Variants in QSOX2 observed in about 807,000 individuals in gnomAD.
QSOX2 encodes the protein quiescin sulfhydryl oxidase 2, also known as sulfhydryl oxidase 2.
In QSOX2, 46 loss-of-function variants were observed where a neutral mutation model predicts 61.7. The observed-to-expected ratio is 0.75, with a 90% confidence interval of 0.59 to 0.95. The LOEUF (loss-of-function observed/expected upper bound fraction) is 0.95, where lower values mean the gene tolerates loss of function less well. Among genes scored for constraint, QSOX2 ranks in the 40% least tolerant of loss-of-function variants. The probability of loss-of-function intolerance (pLI) is 0.00; values close to 1 mark genes in which losing one functional copy is unlikely to be tolerated. For synonymous variants in QSOX2, 383 were observed against 388.4 expected (o/e 0.99, Z 0.16); for missense variants, 879 against 918.9 (o/e 0.96, Z 0.56).
chr9:136,218,829 G>T (rs754363653), intron 7 of QSOX2, 21 bp from the exon 8 acceptor site: 1 of 1,608,136 alleles, frequency 6.2e-7, no homozygotes, highest in Non-Finnish European at 8.5e-7. Context: ...ATATGGCAGC[G>T]TCAGGGAATG....
intron 1 of QSOX2, among the ~76,000 whole-genome samples, chr9:136,239,799 A>G (rs12344196): frequency 0.022 from 3,291 of 152,356 alleles, 107 homozygotes; most frequent in African/African-American, 0.069. Context: ...GGCCGAGCAG[A>G]TGAGGGAGAA....
At chr9:136,233,741 T>C (rs1830353183) in intron 1 of QSOX2, among the ~76,000 whole-genome samples, 1 of 152,218 alleles carries the variant, frequency 6.6e-6, no homozygotes, top group African/African-American at 2.4e-5. Context: ...AAGACGACGC[T>C]GTGGAGCCAA....
intron 1 of QSOX2, among the ~76,000 whole-genome samples, chr9:136,231,517 A>AGGTGTG (rs1487936143): frequency 6.6e-6 from 1 of 152,212 alleles, no homozygotes; most frequent in East Asian, 1.9e-4. Context: ...TCTCCACTAG[A>AGGTGTG]CCAGAGGGCT....
chr9:136,218,990 G>A (rs778977056), intron 7 of QSOX2, 40 bp downstream of exon 7: 25 of 1,610,142 alleles, frequency 1.6e-5, no homozygotes, highest in African/African-American at 1.2e-4. Flanking sequence ...CGGTCTACAC[G>A]CACTGTCTCC....
intron 1 of QSOX2, among the ~76,000 whole-genome samples, chr9:136,231,668 G>T (rs796265491): frequency 6.6e-6 from 1 of 152,194 alleles, no homozygotes; most frequent in Non-Finnish European, 1.5e-5. Flanking sequence ...CACACTGATC[G>T]CTCCTTACCC....
chr9:136,241,311 C>A (rs1323254867), intron 1 of QSOX2, among the ~76,000 whole-genome samples: 2 of 152,250 alleles, frequency 1.3e-5, no homozygotes, highest in Non-Finnish European at 2.9e-5. Context: ...GCCGTCAGCC[C>A]CGCCAAATGC....
At chr9:136,242,146 T>TG (rs1412738408) in intron 1 of QSOX2, among the ~76,000 whole-genome samples, 15 of 152,250 alleles carry the variant, frequency 9.9e-5, no homozygotes, top group Non-Finnish European at 1.9e-4. Context: ...GAATGACACT[T>TG]GGTCACACCA....
intron 8 of QSOX2, 33 bp from the exon 9 acceptor site, chr9:136,216,755 G>C: frequency 6.2e-7 from 1 of 1,610,820 alleles, no homozygotes; most frequent in Non-Finnish European, 8.5e-7. Flanking sequence ...GAGAGCTACA[G>C]ACCCAAACCC....
At chr9:136,210,496 G>T in intron 11 of QSOX2, 4 of 984,928 alleles carry the variant, frequency 4.1e-6, no homozygotes, top group Non-Finnish European at 4.8e-6. Flanking sequence ...GAGCTCTGTG[G>T]GCGGCGGCGA....
In QSOX2 at chr9:136,208,875, G is replaced by C. The variant is rs1354811210; in HGVS notation, c.1950C>G (p.Pro650=). The C allele has an allele frequency of 6.2e-7, 1 of 1,614,052 alleles. No homozygotes were observed. The highest frequency in any genetic ancestry group is 1.3e-5 in the African/African-American group (1 of 75,058). The change falls in exon 12 of 12, where the codon CCC becomes CCG. Residue 650 remains proline (P), a synonymous_variant. Transcript: ENST00000358701. ...GAHKEVGGAA[P]FLGVDFSSLD... is the part of the protein sequence containing the mutation. ...GGCTGGAGAAGTCAACCCCGAGGAA[G>C]GGTGCGGCCCCGCCCACCTCCTTGT...
chr9:136,207,250 T>A lies in QSOX2; in HGVS notation c.*1478A>T, dbSNP rs1335550707. On this transcript the variant is annotated 3_prime_UTR_variant, in exon 12 of 12. Transcript: ENST00000358701. ...CGACAACAATCACATCAATATTACA[T>A]GGTCTTATGAATACATCCATGTCAT... The A allele has an allele frequency of 4.6e-5, 7 of 152,328 alleles. No individual in the cohort carries two copies. The highest frequency in any genetic ancestry group is 1.7e-4 in the African/African-American group (7 of 41,436). 9.4% of individuals were successfully genotyped at this position (152,328 alleles called of 1,614,324 possible).
In QSOX2 at chr9:136,206,707, C is replaced by A. The variant is rs1243640118; in HGVS notation, c.*2021G>T. Reference sequence around the variant, plus strand: ...GAAAATCCTGCCCCTCAGCAGGACGCAAGCTTGTTCCCCAAATAGTGGTGA... The same window carrying A: ...GAAAATCCTGCCCCTCAGCAGGACGAAAGCTTGTTCCCCAAATAGTGGTGA... On this transcript the variant is annotated 3_prime_UTR_variant, in exon 12 of 12. Coordinates refer to ENST00000358701, the MANE Select transcript of QSOX2 (RefSeq NM_181701.4). 6.6e-6 allele frequency: 1 copy of A among 152,326 alleles called. No homozygotes were observed. Among genetic ancestry groups the A allele is most frequent in the Non-Finnish European group, 1.5e-5 (1 of 68,048 alleles). The allele number at this position is 152,326 out of a possible 1,614,324, so 9.4% of individuals were successfully genotyped here.
chr9:136,212,865 C>T (rs894426128), intron 10 of QSOX2, among the ~76,000 whole-genome samples: 5 of 152,198 alleles, frequency 3.3e-5, no homozygotes, highest in Admixed American at 6.5e-5. Context: ...GACTTAATCC[C>T]GTGGTCGCCT....
Position 136,221,820 on chromosome 9 carries a change from T to G in QSOX2, c.797A>C (p.Asn266Thr). The G allele has an allele frequency of 2.5e-6, 4 of 1,610,600 alleles. No individual in the cohort carries two copies. The highest frequency in any genetic ancestry group is 3.4e-6 in the Non-Finnish European group (4 of 1,178,460). Residue 266 changes from asparagine (N) to threonine (T), a missense_variant, in exon 6 of 12, where the codon AAT becomes ACT. Coordinates refer to ENST00000358701, the MANE Select transcript of QSOX2 (RefSeq NM_181701.4). The surrounding 1 kb of genome is among the most constrained non-coding windows in gnomAD (Gnocchi z 4.5). The stretch of plus-strand genomic sequence containing the variant: ...CACGTTAATCAATCCATGCGACCCA[T>G]TTGGGTAGATCAGGTAACACGAAGG... ...SVPSCYLIYP[N>T]GSHGLINVVK... is the part of the protein sequence containing the mutation.
Position 136,208,981 on chromosome 9 carries a change from A to C in QSOX2, c.1844T>G (p.Leu615Arg). Reference sequence around the variant, plus strand: ...CTCTGGAAGGGCAGGCCTGGGGCCCAGTGCACCAGGTGGACGGACGCTCTG... The same window carrying C: ...CTCTGGAAGGGCAGGCCTGGGGCCCCGTGCACCAGGTGGACGGACGCTCTG... ...DTQSVRPPGALGPRPALPESL... is the reference protein window; with the variant it reads ...DTQSVRPPGARGPRPALPESL... The change falls in exon 12 of 12, where the codon CTG becomes CGG. Residue 615 changes from leucine to arginine, a missense_variant. Leu to Arg is a moderately radical substitution (Grantham distance 102). Coordinates refer to ENST00000358701, the MANE Select transcript of QSOX2 (RefSeq NM_181701.4). 1.2e-6 allele frequency: 2 copies of C among 1,613,652 alleles called. No homozygotes were observed. Among genetic ancestry groups the C allele is most frequent in the Non-Finnish European group, 1.7e-6 (2 of 1,179,740 alleles).
At chr9:136,216,569 C>T (rs1303446119) in intron 9 of QSOX2, 31 bp downstream of exon 9, 1 of 1,610,738 alleles carries the variant, frequency 6.2e-7, no homozygotes, top group South Asian at 1.1e-5. Flanking sequence ...AAGGAGGGTG[C>T]AGCGTGGCTG....
chr9:136,221,287 G>A lies in QSOX2; in HGVS notation c.821+509C>T, dbSNP rs562305773. Among the ~76,000 whole-genome samples, 2 of 152,164 alleles carry A rather than the reference G, an allele frequency of 1.3e-5. No homozygotes were observed. Among genetic ancestry groups the A allele is most frequent in the Admixed American group, 6.5e-5 (1 of 15,298 alleles). ...CATGAGGGGCACACGGGCACCCCAC[G>A]CAGAGGCAAAGGGCTTGCCAAGGTT... On this transcript the variant is annotated intron_variant, in intron 6 of 11. Coordinates refer to ENST00000358701, the MANE Select transcript of QSOX2 (RefSeq NM_181701.4). The surrounding 1 kb of genome is among the most constrained non-coding windows in gnomAD (Gnocchi z 4.5).
chr9:136,234,228 A>T (rs916029394), intron 1 of QSOX2, among the ~76,000 whole-genome samples: 2 of 152,258 alleles, frequency 1.3e-5, no homozygotes, highest in African/African-American at 4.8e-5. Flanking sequence ...AGAACACAGT[A>T]CGGAACACGT....
chr9:136,227,810 A>G (rs1465205380), intron 1 of QSOX2, among the ~76,000 whole-genome samples: 1 of 148,796 alleles, frequency 6.7e-6, no homozygotes, highest in Non-Finnish European at 1.5e-5. Context: ...CCCTGTCTCT[A>G]AAAAAAAAAT....
Sources: gnomAD v4.1 joint callset for allele counts (sites outside exome capture counted in the v4.1 genomes callset) on GRCh38, gnomAD v4.1.1 for gene constraint, Gnocchi (gnomAD v3.1) non-coding constraint, MANE v1.5 for transcripts, NCBI Gene and HGNC (gene_info 2026-07-23, HGNC 2026-07-21) for gene names.